NAB2: variants seen among roughly 807,000 people sequenced by gnomAD.
The protein encoded by NAB2 is NGFI-A-binding protein 2.
In NAB2, 9 loss-of-function variants were observed where a neutral mutation model predicts 44.2. The ratio of observed to expected loss-of-function variants is 0.20; its 90% confidence interval spans 0.12 to 0.36. The LOEUF (loss-of-function observed/expected upper bound fraction) is 0.36. NAB2 is among the 10% of genes least tolerant of loss of function. The pLI is 1.00. For missense variants in NAB2, 514 were observed against 709.0 expected (o/e 0.73, Z 3.12); for synonymous variants, 342 against 291.0 (o/e 1.18, Z -1.78).
intron 1 of NAB2, 148 bp downstream of exon 1, chr12:57,089,502 C>G: frequency 1.4e-6 from 1 of 708,038 alleles, no homozygotes. Context: ...GGTGCGTCTT[C>G]GAATTAGGGG....
rs868458668 is a variant in NAB2, at chr12:57,094,930, G to A, written c.*209G>A. The A allele has an allele frequency of 1.7e-5, 10 of 580,132 alleles. No individual in the cohort carries two copies. The highest frequency in any genetic ancestry group is 4.5e-4 in the Middle Eastern group (1 of 2,228). 35.9% of individuals were successfully genotyped at this position (580,132 alleles called of 1,614,324 possible). ...AGAGGACACAAGGAGGGTGCGTGGT[G>A]CCCTCACCCCTGCCCAGAGCGAGGG... On this transcript the variant is annotated 3_prime_UTR_variant, in exon 7 of 7. Coordinates refer to ENST00000300131, the MANE Select transcript of NAB2 (RefSeq NM_005967.4).
At chr12:57,093,823 G>GA (rs968278402) in intron 6 of NAB2, among the ~76,000 whole-genome samples, 5 of 118,818 alleles carry the variant, frequency 4.2e-5, no homozygotes, top group African/African-American at 1.6e-4. Context: ...TGTGAAAGGG[G>GA]AACTGGGGAA....
At chr12:57,089,385 G>A in intron 1 of NAB2, 31 bp downstream of exon 1, 1 of 1,547,568 alleles carries the variant, frequency 6.5e-7, no homozygotes, top group Non-Finnish European at 8.7e-7. Flanking sequence ...AGCGGGGAGT[G>A]GAGATGGGTG....
chr12:57,093,726 G>A, intron 6 of NAB2, 128 bp downstream of exon 6: 1 of 1,048,186 alleles, frequency 9.5e-7, no homozygotes, highest in Non-Finnish European at 1.3e-6. Flanking sequence ...AGGATGGCTG[G>A]GCTCCAGCCA....
intron 1 of NAB2, among the ~76,000 whole-genome samples, chr12:57,089,984 G>T (rs183690486): frequency 1.1e-3 from 162 of 152,314 alleles, no homozygotes; most frequent in Middle Eastern, 3.4e-3. Flanking sequence ...GCCTACAGAC[G>T]CTACCACTGT....
Position 57,092,040 on chromosome 12 carries a change from G to C in NAB2, c.957+42G>C, listed in dbSNP as rs548302549. On this transcript the variant is annotated intron_variant, in intron 2 of 6. Coordinates refer to ENST00000300131, the MANE Select transcript of NAB2 (RefSeq NM_005967.4). ...CTCCTAGGATTGCCCTTGACTTCCA[G>C]GTCTCCAGCCGCTTACCTCTGCGAG... 2.5e-5 allele frequency: 39 copies of C among 1,563,708 alleles called. 1 individual carries two copies. The Admixed American group carries it at 6.0e-4, about 24-fold the overall frequency.
Position 57,089,361 on chromosome 12 carries a change from G to A in NAB2, c.83+7G>A. On this transcript the variant is annotated splice_region_variant and intron_variant, in intron 1 of 6. Coordinates refer to ENST00000300131, the MANE Select transcript of NAB2 (RefSeq NM_005967.4). ...CCCTGCAGCCCAGACTCAAGTTAGT[G>A]GGCAAAGGGAGGCAGCGGGGAGTGG... 1 of 1,566,196 alleles carries A rather than the reference G, an allele frequency of 6.4e-7. No individual in the cohort carries two copies.
At chr12:57,092,246 G>C (rs1369329851) in intron 2 of NAB2, 9 of 1,000,858 alleles carry the variant, frequency 9.0e-6, no homozygotes, top group Non-Finnish European at 1.3e-5. Flanking sequence ...CACAGGAGAG[G>C]AGGAGGCCCC....
chr12:57,094,890 A>T lies in NAB2; in HGVS notation c.*169A>T, dbSNP rs2033310169. On this transcript the variant is annotated 3_prime_UTR_variant, in exon 7 of 7. Coordinates refer to ENST00000300131, the MANE Select transcript of NAB2 (RefSeq NM_005967.4). ...GACTGTGGGGCTTCAAGCAATAACA[A>T]GCAGAGGCCTGGAGAGAGGACACAA... 6.5e-6 allele frequency: 4 copies of T among 616,720 alleles called. No homozygotes were observed. The East Asian group carries it at 1.1e-4, about 17-fold the overall frequency. The allele number at this position is 616,720 out of a possible 1,614,324, so 38.2% of individuals were successfully genotyped here.
rs1419229647 is a variant in NAB2 at position 57,094,598 on chromosome 12, C to T, written c.1469-14C>T. 1.3e-6 allele frequency: 2 copies of T among 1,549,328 alleles called. No individual in the cohort carries two copies. Among genetic ancestry groups the T allele is most frequent in the South Asian group, 1.2e-5 (1 of 84,050 alleles). On this transcript the variant is annotated splice_polypyrimidine_tract_variant and intron_variant, in intron 6 of 6. Transcript: ENST00000300131. Reference sequence around the variant, plus strand: ...TCACCCTGCAGTCTCCTAACTGCCCCCTTTTCCCTGCAGAGTTCGAGGAAG... The same window carrying T: ...TCACCCTGCAGTCTCCTAACTGCCCTCTTTTCCCTGCAGAGTTCGAGGAAG...
chr12:57,090,352 C>T (rs1227736922), intron 1 of NAB2, among the ~76,000 whole-genome samples: 1 of 152,096 alleles, frequency 6.6e-6, no homozygotes, highest in Non-Finnish European at 1.5e-5. Flanking sequence ...GGCATGGTGG[C>T]GGGCGCCTGT....
At chr12:57,093,711 G>A in intron 6 of NAB2, 113 bp downstream of exon 6, 1 of 1,163,830 alleles carries the variant, frequency 8.6e-7, no homozygotes, top group Non-Finnish European at 1.2e-6. Flanking sequence ...GTCAGAGAGG[G>A]CAGTAGGATG....
intron 2 of NAB2, 42 bp from the exon 3 acceptor site, chr12:57,092,406 G>T (rs769009346): frequency 1.9e-6 from 3 of 1,607,262 alleles, no homozygotes; most frequent in Non-Finnish European, 2.6e-6. Flanking sequence ...AGGCAGCGGG[G>T]AAGTTCGAAT....
At position 57,094,691 on chromosome 12, in the gene NAB2, GA is replaced by G. The variant is rs1183917942; in HGVS notation, c.1551del (p.Val518TrpfsTer36). 6.4e-7 allele frequency: 1 copy of G among 1,554,108 alleles called. No individual in the cohort carries two copies. Among genetic ancestry groups the G allele is most frequent in the Non-Finnish European group, 8.7e-7 (1 of 1,148,516 alleles). On this transcript the variant is annotated frameshift_variant, in exon 7 of 7. Transcript: ENST00000300131. LOFTEE classifies it high-confidence loss of function. ...ALVEGRRSSV[K>X]VEAEASRQ ...TGGTGGAGGGTCGCAGGAGCAGCGT[GA>G]AAGTGGAGGCTGAGGCCAGCCGGCA... is the stretch of plus-strand genomic sequence containing the variant.
Position 57,091,475 on chromosome 12 carries a change from A to G in NAB2, c.434A>G (p.His145Arg). ...CGGAAAGGGAGCATGAGCAATGGGC[A>G]TGGCAGCCCAGGGGAAAAGGCAGGC... ...GTRKGSMSNG[H>R]GSPGEKAGSA... The change falls in exon 2 of 7, where the codon CAT becomes CGT. Residue 145 changes from histidine (H) to arginine (R), a missense_variant. Physicochemically the swap from His to Arg is conservative, Grantham distance 29. This residue lies in a region of NAB2 where 177 missense variants were observed against 200.5 expected (regional missense o/e 0.88). Transcript: ENST00000300131. The surrounding 1 kb of genome is among the most constrained non-coding windows in gnomAD (Gnocchi z 7.3). 1.2e-6 allele frequency: 2 copies of G among 1,614,206 alleles called. No homozygotes were observed. The highest frequency in any genetic ancestry group is 1.7e-6 in the Non-Finnish European group (2 of 1,180,038).
At position 57,089,257 on chromosome 12, in the gene NAB2, G is replaced by T; in HGVS notation, c.-15G>T. ...GGGCACCGAGAAGGGCAGCCCGGGT[G>T]ATCTCCGGCCGTCCATGCACAGAGC... is the stretch of plus-strand genomic sequence containing the variant. On this transcript the variant is annotated 5_prime_UTR_variant, in exon 1 of 7. Coordinates refer to ENST00000300131, the MANE Select transcript of NAB2 (RefSeq NM_005967.4). The T allele has an allele frequency of 6.4e-7, 1 of 1,566,456 alleles. No individual in the cohort carries two copies. Among genetic ancestry groups the T allele is most frequent in the Non-Finnish European group, 8.7e-7 (1 of 1,155,996 alleles).
At chr12:57,092,888 A>T (rs764973585) in intron 3 of NAB2, 29 bp from the exon 4 acceptor site, 2 of 1,613,690 alleles carry the variant, frequency 1.2e-6, no homozygotes, top group Non-Finnish European at 1.7e-6. Flanking sequence ...CGTCAGCCTC[A>T]TCCACTTTAT....
At position 57,092,694 on chromosome 12, in the gene NAB2, CCTG is replaced by C. The variant is rs1405422803; in HGVS notation, c.1091+116_1091+118del. 6.9e-6 allele frequency: 10 copies of C among 1,440,894 alleles called. No individual in the cohort carries two copies. The Admixed American group carries it at 2.1e-4, about 30-fold the overall frequency. 89.3% of individuals were successfully genotyped at this position (1,440,894 alleles called of 1,614,324 possible). On this transcript the variant is annotated intron_variant, in intron 3 of 6. Coordinates refer to ENST00000300131, the MANE Select transcript of NAB2 (RefSeq NM_005967.4). The stretch of plus-strand genomic sequence containing the variant: ...GCCTGCTTCCCGCCCACCTGGATGT[CCTG>C]CTTTTGGCCAAGTCAGCTTGTCTCA...
At position 57,094,788 on chromosome 12, in the gene NAB2, C is replaced by A. The variant is rs1184011385; in HGVS notation, c.*67C>A. 1.5e-6 allele frequency: 2 copies of A among 1,318,780 alleles called. No homozygotes were observed. Among genetic ancestry groups the A allele is most frequent in the South Asian group, 2.7e-5 (2 of 74,872 alleles). The allele number at this position is 1,318,780 out of a possible 1,614,324, so 81.7% of individuals were successfully genotyped here. A position where few individuals can be genotyped will look rare whatever the true frequency, so the allele number is the denominator to read the frequency against. ...GGCTCACACAGACCCCCACGCTCTC[C>A]ATCCCCGGAATCTAGTCACAACCCT... On this transcript the variant is annotated 3_prime_UTR_variant, in exon 7 of 7. Coordinates refer to ENST00000300131, the MANE Select transcript of NAB2 (RefSeq NM_005967.4).
Sources: gnomAD v4.1 joint callset for allele counts (sites outside exome capture counted in the v4.1 genomes callset) on GRCh38, gnomAD v4.1.1 for gene constraint, gnomAD v4.1.1 regional missense constraint, Gnocchi (gnomAD v3.1) non-coding constraint, MANE v1.5 for transcripts, NCBI Gene and HGNC (gene_info 2026-07-23, HGNC 2026-07-21) for gene names.